The following KCNT2 variants were observed in gnomAD, a reference collection of about 807,000 sequenced individuals.
The protein encoded by KCNT2 is potassium channel subfamily T member 2.
In KCNT2, 67 loss-of-function variants were observed where a neutral mutation model predicts 153.8. That is an observed-to-expected ratio of 0.44 (90% confidence interval 0.36 to 0.53). The LOEUF (loss-of-function observed/expected upper bound fraction) is 0.53. KCNT2 is among the 20% of genes least tolerant of loss of function. The pLI is 0.00. For missense variants in KCNT2, 975 were observed against 1,354.8 expected (o/e 0.72, Z 4.40); for synonymous variants, 500 against 458.8 (o/e 1.09, Z -1.15).
At chr1:196,514,805 A>G (rs1006849600) in intron 1 of KCNT2, among the ~76,000 whole-genome samples, 2 of 152,178 alleles carry the variant, frequency 1.3e-5, no homozygotes, top group African/African-American at 2.4e-5. Flanking sequence ...CATTAAAACC[A>G]TAACTTTATT....
chr1:196,244,386 A>C (rs911914089), intron 26 of KCNT2, among the ~76,000 whole-genome samples: 1 of 152,106 alleles, frequency 6.6e-6, no homozygotes, highest in African/African-American at 2.4e-5. Context: ...CAGAGCACCA[A>C]GTGGGCTTTT....
chr1:196,398,528 A>T (rs888337047), intron 13 of KCNT2, 35 bp downstream of exon 13: 16 of 1,208,562 alleles, frequency 1.3e-5, no homozygotes, highest in Non-Finnish European at 2.0e-5. Flanking sequence ...GAGTTTCAGG[A>T]AATTCAATGG....
intron 1 of KCNT2, among the ~76,000 whole-genome samples, chr1:196,575,372 G>A (rs1661233458): frequency 6.6e-6 from 1 of 151,910 alleles, no homozygotes. Context: ...ACATACTACA[G>A]TTTTATGTTG....
intron 13 of KCNT2, among the ~76,000 whole-genome samples, chr1:196,396,830 T>C (rs983288611): frequency 1.3e-5 from 2 of 151,262 alleles, no homozygotes; most frequent in Admixed American, 1.3e-4. Context: ...ATACAAATAG[T>C]CCGTATTTTT....
chr1:196,373,332 TG>T, intron 13 of KCNT2, 84 bp from the exon 14 acceptor site: 3 of 696,872 alleles, frequency 4.3e-6, no homozygotes, highest in Non-Finnish European at 7.7e-6. Context: ...ATGAATAAAA[TG>T]GTAAAAGTCT....
At chr1:196,514,484 A>C (rs1681892004) in intron 1 of KCNT2, among the ~76,000 whole-genome samples, 1 of 152,174 alleles carries the variant, frequency 6.6e-6, no homozygotes, top group Non-Finnish European at 1.5e-5. Flanking sequence ...TGGGGAAAAC[A>C]CCACTGAAAA....
intron 1 of KCNT2, among the ~76,000 whole-genome samples, chr1:196,535,102 TA>T (rs1655390451): frequency 6.6e-6 from 1 of 152,232 alleles, no homozygotes; most frequent in South Asian, 2.1e-4. Context: ...AGTCATACTT[TA>T]ATTTGCTAAG....
chr1:196,253,709 A>T (rs1394360489), intron 26 of KCNT2, among the ~76,000 whole-genome samples: 1 of 151,548 alleles, frequency 6.6e-6, no homozygotes, highest in African/African-American at 2.4e-5. Flanking sequence ...TGATGGTCAA[A>T]ATCAGAAGTT....
chr1:196,559,897 A>T (rs1257110783), intron 1 of KCNT2, among the ~76,000 whole-genome samples: 1 of 151,806 alleles, frequency 6.6e-6, no homozygotes, highest in African/African-American at 2.4e-5. Flanking sequence ...ATGTGTGTGC[A>T]TACAGGACAC....
chr1:196,270,861 G>A (rs1342349332), intron 25 of KCNT2, among the ~76,000 whole-genome samples: 1 of 151,628 alleles, frequency 6.6e-6, no homozygotes, highest in Non-Finnish European at 1.5e-5. Context: ...GCATGTATGT[G>A]TAAAACCTAC....
intron 21 of KCNT2, among the ~76,000 whole-genome samples, chr1:196,313,387 C>G (rs1433983925): frequency 6.6e-6 from 1 of 151,478 alleles, no homozygotes; most frequent in Non-Finnish European, 1.5e-5. Context: ...TTCAAAGGAT[C>G]ATCTAGGTAA....
At chr1:196,599,855 A>G (rs1393133509) in intron 1 of KCNT2, among the ~76,000 whole-genome samples, 1 of 152,158 alleles carries the variant, frequency 6.6e-6, no homozygotes, top group Non-Finnish European at 1.5e-5. Context: ...CTCACATCCA[A>G]GAGCATATTT....
intron 1 of KCNT2, among the ~76,000 whole-genome samples, chr1:196,510,250 A>G (rs1681498499): frequency 6.6e-6 from 1 of 152,122 alleles, no homozygotes; most frequent in African/African-American, 2.4e-5. Flanking sequence ...AATAGTGACA[A>G]TAACTTATCA....
chr1:196,430,421 T>C (rs2148545880), intron 8 of KCNT2, among the ~76,000 whole-genome samples: 1 of 151,904 alleles, frequency 6.6e-6, no homozygotes, highest in Admixed American at 6.6e-5. Flanking sequence ...TCTCTCTCTT[T>C]CTCTCTCTCT....
At chr1:196,493,288 G>T (rs1033665992) in intron 1 of KCNT2, among the ~76,000 whole-genome samples, 3 of 148,310 alleles carry the variant, frequency 2.0e-5, no homozygotes, top group African/African-American at 7.5e-5. Context: ...GTAACATTTT[G>T]AAAATGTAAT....
intron 12 of KCNT2, among the ~76,000 whole-genome samples, chr1:196,411,980 G>A (rs1672378578): frequency 1.3e-5 from 2 of 151,742 alleles, no homozygotes; most frequent in Admixed American, 6.6e-5. Context: ...GTTTATCACA[G>A]TTATTTATTT....
intron 1 of KCNT2, among the ~76,000 whole-genome samples, chr1:196,516,030 C>T (rs1044159269): frequency 2.6e-5 from 4 of 152,168 alleles, no homozygotes; most frequent in Non-Finnish European, 4.4e-5. Flanking sequence ...ACCCAGACTT[C>T]CCAGCAAAGG....
chr1:196,457,533 A>AT (rs1156652320), intron 8 of KCNT2, among the ~76,000 whole-genome samples: 1 of 151,224 alleles, frequency 6.6e-6, no homozygotes, highest in East Asian at 1.9e-4. Flanking sequence ...AAAAAAAAAA[A>AT]AAGCAACTCC....
intron 5 of KCNT2, among the ~76,000 whole-genome samples, chr1:196,470,966 G>A (rs1290756302): frequency 7.0e-6 from 1 of 143,372 alleles, no homozygotes; most frequent in Non-Finnish European, 1.5e-5. Flanking sequence ...TGCAAGCTCC[G>A]CCTCCCTGGG....
Sources: allele counts gnomAD v4.1 joint callset (sites outside exome capture counted in the v4.1 genomes callset), GRCh38; gene constraint gnomAD v4.1.1; transcripts MANE v1.5; gene names NCBI Gene and HGNC (gene_info 2026-07-23, HGNC 2026-07-21).